RNF103: variants seen among roughly 807,000 people sequenced by gnomAD.
RNF103 encodes ring finger protein 103, also known as E3 ubiquitin-protein ligase RNF103.
In RNF103, 23 loss-of-function variants were observed where a neutral mutation model predicts 66.2. The ratio of observed to expected loss-of-function variants is 0.35; its 90% confidence interval spans 0.25 to 0.49. RNF103 has a LOEUF of 0.49. Among genes scored for constraint, RNF103 ranks in the 20% least tolerant of loss-of-function variants. RNF103 has a pLI of 0.98. For missense variants in RNF103, 730 were observed against 814.7 expected (o/e 0.90, Z 1.27); for synonymous variants, 297 against 289.9 (o/e 1.02, Z -0.25).
rs774770197 is a variant in RNF103, at chr2:86,605,380, A to G, written c.521T>C (p.Ile174Thr). ...RRRGWVRSTL[I>T]MSVPQTSTSK... ...AGTACTTGTTTGTGGAACAGACATA[A>G]TGAGTGTGGATCGGACCCAGCCTCT... Residue 174 changes from isoleucine to threonine, a missense_variant, in exon 4 of 4, where the codon ATT becomes ACT. Ile to Thr is a moderately conservative substitution (Grantham distance 89). Around this residue, in one of 3 missense-constraint regions of RNF103, gnomAD observed 327 missense variants for 369.8 expected, o/e 0.88. Transcript: ENST00000237455. The G allele has an allele frequency of 4.3e-6, 7 of 1,613,948 alleles. No individual in the cohort carries two copies. Among genetic ancestry groups the G allele is most frequent in the South Asian group, 3.3e-5 (3 of 91,086 alleles).
intron 2 of RNF103, among the ~76,000 whole-genome samples, chr2:86,620,060 TC>T (rs999806575): frequency 6.6e-6 from 1 of 152,092 alleles, no homozygotes; most frequent in Non-Finnish European, 1.5e-5. Flanking sequence ...TCAACAAAGG[TC>T]CAATAACTAA....
At chr2:86,617,232 G>A (rs1679054409) in intron 2 of RNF103, 1 of 985,304 alleles carries the variant, frequency 1.0e-6, no homozygotes, top group African/African-American at 1.7e-5. Context: ...GATTGAACTG[G>A]CTGCCATCTG....
At position 86,604,041 on chromosome 2, in the gene RNF103, T is replaced by G. The variant is rs1478419489; in HGVS notation, c.1860A>C (p.Glu620Asp). ...CAAAATTCTCTAGGCAAACAACACA[T>G]TCAGTACAGTGCAGCATATCAGCAG... The part of the protein sequence containing the change: ...TWPADMLHCT[E>D]CVVCLENFEN... Residue 620 changes from glutamate to aspartate, a missense_variant, in exon 4 of 4, where the codon GAA (glutamate) becomes GAC (aspartate). Glu to Asp is a conservative substitution (Grantham distance 45). This residue lies in a region of RNF103 where 355 missense variants were observed against 351.9 expected (regional missense o/e 1.01). Coordinates refer to ENST00000237455, the MANE Select transcript of RNF103 (RefSeq NM_005667.4). 3 of 1,614,092 alleles carry G rather than the reference T, an allele frequency of 1.9e-6. No individual in the cohort carries two copies. Among genetic ancestry groups the G allele is most frequent in the African/African-American group, 2.7e-5 (2 of 75,040 alleles).
At chr2:86,614,987 C>T (rs1044479351) in intron 2 of RNF103, 3 of 985,308 alleles carry the variant, frequency 3.0e-6, no homozygotes, top group Admixed American at 6.1e-5. Context: ...GTTCCTAAGT[C>T]TGGAGGCATC....
At chr2:86,606,383 G>C (rs1678546322) in intron 3 of RNF103, among the ~76,000 whole-genome samples, 1 of 152,072 alleles carries the variant, frequency 6.6e-6, no homozygotes, top group African/African-American at 2.4e-5. Flanking sequence ...ACTGAAAACA[G>C]GCTGGGTGCA....
rs1386915831 is a variant in RNF103, at chr2:86,622,993, C to T, written c.-107G>A. 2 of 1,402,720 alleles carry T rather than the reference C, an allele frequency of 1.4e-6. No homozygotes were observed. The highest frequency in any genetic ancestry group is 9.2e-7 in the Non-Finnish European group (1 of 1,082,324). 86.9% of individuals were successfully genotyped at this position (1,402,720 alleles called of 1,614,324 possible). On this transcript the variant is annotated 5_prime_UTR_variant, in exon 1 of 4. Transcript: ENST00000237455. Reference sequence around the variant, plus strand: ...GCAGCTTGGGCGAGGGCCCCGTGTCCACGCGCGGGCCACCCGGCGCCGTCA... The same window carrying T: ...GCAGCTTGGGCGAGGGCCCCGTGTCTACGCGCGGGCCACCCGGCGCCGTCA...
At chr2:86,605,440 A>G (rs2104200863) in intron 3 of RNF103, 22 bp from the exon 4 acceptor site, 2 of 1,569,500 alleles carry the variant, frequency 1.3e-6, no homozygotes, top group Non-Finnish European at 8.6e-7. Flanking sequence ...GAAACTGTAA[A>G]TAAACAGCTA....
chr2:86,617,697 T>A (rs898106838), intron 2 of RNF103: 1 of 990,636 alleles, frequency 1.0e-6, no homozygotes, highest in Non-Finnish European at 1.2e-6. Context: ...TACAATAGAT[T>A]AATATATATG....
rs1202846695 is a variant in RNF103 at position 86,623,593 on chromosome 2, A to G, written c.-707T>C. ...GGCCGGCTGGCGGGCGGCGCCTCTCAGGCGGGCGGGCACTGCGGCCCGGCC... is the reference window on the plus strand; with the variant it reads ...GGCCGGCTGGCGGGCGGCGCCTCTCGGGCGGGCGGGCACTGCGGCCCGGCC... On this transcript the variant is annotated 5_prime_UTR_variant, in exon 1 of 4. Coordinates refer to ENST00000237455, the MANE Select transcript of RNF103 (RefSeq NM_005667.4). 6 of 1,006,648 alleles carry G rather than the reference A, an allele frequency of 6.0e-6. No individual in the cohort carries two copies. Among genetic ancestry groups the G allele is most frequent in the Non-Finnish European group, 7.1e-6 (6 of 841,754 alleles). 62.4% of individuals were successfully genotyped at this position (1,006,648 alleles called of 1,614,324 possible). A position where few individuals can be genotyped will look rare whatever the true frequency, so the allele number is the denominator to read the frequency against.
Position 86,606,662 on chromosome 2 carries a change from CAAA to C in RNF103, c.483-1247_483-1245del, listed in dbSNP as rs200897796. On this transcript the variant is annotated intron_variant, in intron 3 of 3. Coordinates refer to ENST00000237455, the MANE Select transcript of RNF103 (RefSeq NM_005667.4). The stretch of plus-strand genomic sequence containing the variant: ...TGGGCGACAGAGCAAAACTTCGTCT[CAAA>C]AAAAAAAAAAAAAAAAAAAAAAGAA... Among the ~76,000 whole-genome samples, 488 of 97,308 alleles carry C rather than the reference CAAA, an allele frequency of 5.0e-3. 2 individuals are homozygous for C. Among genetic ancestry groups the C allele is most frequent in the African/African-American group, 0.019 (398 of 20,892 alleles). 63.8% of individuals were successfully genotyped at this position (97,308 alleles called of 152,430 possible).
In RNF103 at chr2:86,604,261, A is replaced by G. The variant is rs762430144; in HGVS notation, c.1640T>C (p.Leu547Ser). 29 of 1,614,020 alleles carry G rather than the reference A, an allele frequency of 1.8e-5. No homozygotes were observed. Among genetic ancestry groups the G allele is most frequent in the African/African-American group, 2.7e-5 (2 of 74,898 alleles). Residue 547 changes from leucine to serine, a missense_variant, in exon 4 of 4, where the codon TTG becomes TCG. Leu to Ser is a moderately radical substitution (Grantham distance 145, BLOSUM62 -2). This residue lies in a region of RNF103 where 355 missense variants were observed against 351.9 expected (regional missense o/e 1.01). Transcript: ENST00000237455. ...NDSESENTDT[L>S]SSEKEVFEDK... ...TTCAAATACTTCCTTCTCACTACTC[A>G]AAGTGTCTGTGTTCTCACTTTCCGA...
In RNF103 at chr2:86,605,429, G is replaced by C. The variant is rs1678509955; in HGVS notation, c.483-11C>G. On this transcript the variant is annotated splice_polypyrimidine_tract_variant and intron_variant, in intron 3 of 3. Transcript: ENST00000237455. Reference sequence around the variant, plus strand: ...CTTCTCCTGCAATATCTACAAGAGAGGAAACTGTAAATAAACAGCTAGGCT... The same window carrying C: ...CTTCTCCTGCAATATCTACAAGAGACGAAACTGTAAATAAACAGCTAGGCT... The C allele has an allele frequency of 2.5e-6, 4 of 1,577,592 alleles. No individual in the cohort carries two copies. Among genetic ancestry groups the C allele is most frequent in the Non-Finnish European group, 3.4e-6 (4 of 1,165,380 alleles).
intron 2 of RNF103, chr2:86,617,613 A>C (rs1679072206): frequency 5.3e-6 from 5 of 950,312 alleles, no homozygotes; most frequent in Non-Finnish European, 6.3e-6. Context: ...TCCCCCTCAG[A>C]TAAGGGGGGA....
chr2:86,616,165 A>G (rs1679011403), intron 2 of RNF103, among the ~76,000 whole-genome samples: 1 of 152,202 alleles, frequency 6.6e-6, no homozygotes, highest in Non-Finnish European at 1.5e-5. Context: ...TAAAATGCCC[A>G]TTATTTAGAG....
At chr2:86,617,914 A>G in intron 2 of RNF103, 2 of 974,520 alleles carry the variant, frequency 2.1e-6, no homozygotes, top group Admixed American at 2.5e-5. Context: ...CCTGCCAGAG[A>G]TTGTTCTTTC....
Position 86,604,108 on chromosome 2 carries a change from T to C in RNF103, c.1793A>G (p.Tyr598Cys), listed in dbSNP as rs764310173. ...CERKGRSYGS[Y>C]NTNEDMEPDW... The stretch of plus-strand genomic sequence containing the variant: ...AGGTTCCATATCTTCATTAGTGTTA[T>C]ATGATCCATATGACCTCCCCTTCCT... The change falls in exon 4 of 4, where the codon TAT becomes TGT. Residue 598 changes from tyrosine to cysteine, a missense_variant. Around this residue, in one of 3 missense-constraint regions of RNF103, gnomAD observed 355 missense variants for 351.9 expected, o/e 1.01. Transcript: ENST00000237455. 2.5e-6 allele frequency: 4 copies of C among 1,613,538 alleles called. No individual in the cohort carries two copies. The highest frequency in any genetic ancestry group is 1.3e-5 in the African/African-American group (1 of 75,066).
At chr2:86,609,384 A>ATTTTTTT (rs112431636) in intron 3 of RNF103, among the ~76,000 whole-genome samples, 2 of 134,426 alleles carry the variant, frequency 1.5e-5, no homozygotes, top group African/African-American at 5.6e-5. Context: ...AGCCTCAGGT[A>ATTTTTTT]TTTTTTTTTT....
intron 2 of RNF103, chr2:86,616,880 A>C: frequency 1.0e-6 from 1 of 985,454 alleles, no homozygotes; most frequent in Non-Finnish European, 1.2e-6. Flanking sequence ...TCTCCACTTC[A>C]GAAGCCTATC....
rs1187110416 is a variant in RNF103, at chr2:86,605,359, C to G, written c.542G>C (p.Ser181Thr). Residue 181 changes from serine (S) to threonine (T), a missense_variant, in exon 4 of 4, where the codon AGT becomes ACT. Ser to Thr is a moderately conservative substitution (Grantham distance 58). Around this residue, in one of 3 missense-constraint regions of RNF103, gnomAD observed 327 missense variants for 369.8 expected, o/e 0.88. Coordinates refer to ENST00000237455, the MANE Select transcript of RNF103 (RefSeq NM_005667.4). ...STLIMSVPQT[S>T]TSKGKVMLKE... is the part of the protein sequence containing the mutation. ...AAGCATGACTTTCCCTTTTGAAGTA[C>G]TTGTTTGTGGAACAGACATAATGAG... The G allele has an allele frequency of 6.2e-7, 1 of 1,614,046 alleles. No homozygotes were observed. Among genetic ancestry groups the G allele is most frequent in the East Asian group, 2.2e-5 (1 of 44,888 alleles).
Sources: allele counts gnomAD v4.1 joint callset (sites outside exome capture counted in the v4.1 genomes callset), GRCh38; gene constraint gnomAD v4.1.1; regional missense constraint gnomAD v4.1.1; transcripts MANE v1.5; gene names NCBI Gene and HGNC (gene_info 2026-07-23, HGNC 2026-07-21).